TPRG1: variants seen among roughly 807,000 people sequenced by gnomAD.
The protein encoded by TPRG1 is tumor protein p63-regulated gene 1 protein.
TPRG1 carries 29 observed loss-of-function variants against 29.3 expected under a neutral mutation model. The observed-to-expected ratio is 0.99, with a 90% CI of 0.74 to 1.35. TPRG1 has a LOEUF of 1.35. Ranked by LOEUF, TPRG1 falls within the 40% of genes most tolerant of loss-of-function variation. The pLI is 0.00. For synonymous variants in TPRG1, 130 were observed against 116.8 expected, an observed-to-expected ratio of 1.11 and a Z score of -0.73; for missense variants, 327 against 335.0, an observed-to-expected ratio of 0.98 and a Z score of 0.19.
At chr3:189,231,507 T>A (rs11720122) in intron 3 of TPRG1, among the ~76,000 whole-genome samples, 5,720 of 152,266 alleles carry the variant, frequency 0.038, 159 homozygotes, top group Non-Finnish European at 0.063. Flanking sequence ...ATCATATTAA[T>A]AACCAACAAT....
chr3:189,241,484 G>A (rs969171339), intron 4 of TPRG1, among the ~76,000 whole-genome samples: 13 of 151,548 alleles, frequency 8.6e-5, no homozygotes, highest in Non-Finnish European at 1.5e-4. Context: ...AGAGCTATTT[G>A]TGTATTAGAG....
intron 4 of TPRG1, among the ~76,000 whole-genome samples, chr3:189,081,813 G>A (rs1717612550): frequency 6.6e-6 from 1 of 152,114 alleles, no homozygotes; most frequent in Non-Finnish European, 1.5e-5. Context: ...CCTCTATGGT[G>A]TTGCATATTT....
intron 4 of TPRG1, among the ~76,000 whole-genome samples, chr3:189,307,591 A>G (rs1026391944): frequency 6.6e-6 from 1 of 152,224 alleles, no homozygotes; most frequent in African/African-American, 2.4e-5. Context: ...ATGCAATAGC[A>G]GGGCTTTAGC....
chr3:189,081,480 T>C (rs888420658), intron 4 of TPRG1, among the ~76,000 whole-genome samples: 2 of 152,258 alleles, frequency 1.3e-5, no homozygotes, highest in Middle Eastern at 3.4e-3. Context: ...ATGGTCCAAT[T>C]GGCAAGGTAT....
At chr3:189,243,088 T>C (rs1166998520) in intron 4 of TPRG1, among the ~76,000 whole-genome samples, 1 of 152,182 alleles carries the variant, frequency 6.6e-6, no homozygotes, top group African/African-American at 2.4e-5. Context: ...AGGTGATTTA[T>C]AAAGAAAATA....
chr3:189,128,137 T>C (rs1722697238), intron 2 of TPRG1, among the ~76,000 whole-genome samples: 1 of 152,198 alleles, frequency 6.6e-6, no homozygotes, highest in Admixed American at 6.5e-5. Context: ...TTTTGCACAA[T>C]TGCAAGATGA....
At chr3:189,276,547 C>T (rs1716178154) in intron 4 of TPRG1, among the ~76,000 whole-genome samples, 1 of 151,996 alleles carries the variant, frequency 6.6e-6, no homozygotes, top group African/African-American at 2.4e-5. Flanking sequence ...CTTTTTTTCT[C>T]CTGGAAAATT....
intron 4 of TPRG1, among the ~76,000 whole-genome samples, chr3:189,085,724 T>C (rs546879067): frequency 2.2e-4 from 34 of 152,312 alleles, no homozygotes; most frequent in Admixed American, 9.8e-4. Context: ...ACACTTTAAC[T>C]TCTCAGGAAT....
intron 3 of TPRG1, among the ~76,000 whole-genome samples, chr3:189,137,891 AT>A (rs1360511082): frequency 6.6e-6 from 1 of 152,050 alleles, no homozygotes; most frequent in African/African-American, 2.4e-5. Context: ...GGACAATTCC[AT>A]TTGTCTCTGT....
At chr3:189,028,940 A>C (rs1303315670) in intron 4 of TPRG1, among the ~76,000 whole-genome samples, 2 of 152,080 alleles carry the variant, frequency 1.3e-5, no homozygotes, top group Non-Finnish European at 2.9e-5. Context: ...GAAATAAAGG[A>C]GCAAGGGAGG....
intron 2 of TPRG1, among the ~76,000 whole-genome samples, chr3:189,214,963 A>ATAT (rs1354068761): frequency 4.4e-5 from 6 of 135,498 alleles, no homozygotes; most frequent in Admixed American, 1.8e-4. Flanking sequence ...GTTTAATTTA[A>ATAT]AAATGTACAG....
At chr3:189,063,416 G>A (rs1376846618) in intron 4 of TPRG1, among the ~76,000 whole-genome samples, 2 of 151,932 alleles carry the variant, frequency 1.3e-5, no homozygotes, top group Admixed American at 1.3e-4. Context: ...TTCACCAATA[G>A]TATCTAAACG....
chr3:189,042,703 T>G (rs1358731216), intron 4 of TPRG1, among the ~76,000 whole-genome samples: 3 of 152,020 alleles, frequency 2.0e-5, no homozygotes, highest in Non-Finnish European at 4.4e-5. Context: ...ATGAACTCAA[T>G]CATGCTTGAA....
chr3:189,150,407 T>C (rs1188566715), intron 4 of TPRG1, among the ~76,000 whole-genome samples: 1 of 152,162 alleles, frequency 6.6e-6, no homozygotes, highest in African/African-American at 2.4e-5. Context: ...GGTCTTGAAC[T>C]CTTGACCTTG....
At chr3:189,207,689 C>A (rs1734617249) in intron 2 of TPRG1, 95 bp downstream of exon 2, 4 of 1,145,490 alleles carry the variant, frequency 3.5e-6, no homozygotes, top group Non-Finnish European at 5.1e-6. Flanking sequence ...AGTGTACTCA[C>A]ATTTGTCTCA....
chr3:189,105,490 G>A (rs61038537), intron 1 of TPRG1, among the ~76,000 whole-genome samples: 4 of 152,060 alleles, frequency 2.6e-5, no homozygotes, highest in East Asian at 1.9e-4. Flanking sequence ...TTACCATAAT[G>A]AGCCTCTCTC....
chr3:189,086,526 A>AT (rs111588968), intron 4 of TPRG1, among the ~76,000 whole-genome samples: 1,377 of 137,202 alleles, frequency 0.01, 17 homozygotes, highest in Admixed American at 0.022. Flanking sequence ...CACCCAGCTA[A>AT]TTTTTTTTTT....
chr3:189,193,318 G>T (rs1178219201), intron 1 of TPRG1, among the ~76,000 whole-genome samples: 1 of 151,502 alleles, frequency 6.6e-6, no homozygotes, highest in Non-Finnish European at 1.5e-5. Context: ...AATATTTTGT[G>T]GAATTGGAGC....
intron 1 of TPRG1, among the ~76,000 whole-genome samples, chr3:189,111,728 C>CGG (rs1720553478): frequency 6.6e-6 from 1 of 152,116 alleles, no homozygotes; most frequent in South Asian, 2.1e-4. Context: ...TTGCTAAAAT[C>CGG]ACTTATTAGT....
Sources: gnomAD v4.1 joint callset for allele counts (sites outside exome capture counted in the v4.1 genomes callset) on GRCh38, gnomAD v4.1.1 for gene constraint, MANE v1.5 for transcripts, NCBI Gene and HGNC (gene_info 2026-07-23, HGNC 2026-07-21) for gene names.